Variants in ZFAND6 observed in about 807,000 individuals in gnomAD.
The protein encoded by ZFAND6 is zinc finger AN1-type containing 6, also known as AN1-type zinc finger protein 6.
A neutral mutation model predicts 24.5 loss-of-function variants in ZFAND6; 12 were observed. The ratio of observed to expected loss-of-function variants is 0.49; its 90% CI spans 0.31 to 0.79. The LOEUF (loss-of-function observed/expected upper bound fraction) is 0.79, where lower values mean the gene tolerates loss of function less well. Among genes scored for constraint, ZFAND6 ranks in the 30% least tolerant of loss-of-function variants. ZFAND6 has a pLI of 0.04. For synonymous variants in ZFAND6, 92 were observed against 81.5 expected (o/e 1.13, Z -0.69); for missense variants, 207 against 245.9 (o/e 0.84, Z 1.06).
intron 1 of ZFAND6, among the ~76,000 whole-genome samples, chr15:80,096,611 T>G (rs1188605749): frequency 3.3e-5 from 5 of 152,234 alleles, no homozygotes; most frequent in Admixed American, 1.3e-4. Flanking sequence ...AGTTTTAAAA[T>G]TAGTCTATGA....
intron 6 of ZFAND6, among the ~76,000 whole-genome samples, chr15:80,132,680 T>A (rs1350939620): frequency 6.6e-6 from 1 of 152,230 alleles, no homozygotes; most frequent in Non-Finnish European, 1.5e-5. Flanking sequence ...CTCTTGTGGT[T>A]CTCATGTATT....
At chr15:80,130,607 A>G (rs1406475033) in intron 5 of ZFAND6, 1 of 152,264 alleles carries the variant, frequency 6.6e-6, no homozygotes, top group Non-Finnish European at 1.5e-5. Context: ...TTTGGTTTCC[A>G]TACATAAATG....
chr15:80,075,469 T>A (rs2037219981), intron 1 of ZFAND6, among the ~76,000 whole-genome samples: 1 of 152,036 alleles, frequency 6.6e-6, no homozygotes, highest in Non-Finnish European at 1.5e-5. Flanking sequence ...ATCTTTTTGG[T>A]TTCCTAGGGA....
chr15:80,063,880 G>A (rs929117319), intron 1 of ZFAND6, among the ~76,000 whole-genome samples: 10 of 152,124 alleles, frequency 6.6e-5, no homozygotes, highest in African/African-American at 1.9e-4. Flanking sequence ...TAGAGACCGC[G>A]TTTCACCATG....
intron 2 of ZFAND6, among the ~76,000 whole-genome samples, chr15:80,108,473 T>A (rs2039448418): frequency 6.6e-6 from 1 of 152,170 alleles, no homozygotes; most frequent in South Asian, 2.1e-4. Flanking sequence ...AGTGGGAAAA[T>A]TTGAACGGGT....
At chr15:80,088,600 C>T (rs1019244181) in intron 1 of ZFAND6, among the ~76,000 whole-genome samples, 1 of 152,166 alleles carries the variant, frequency 6.6e-6, no homozygotes, top group African/African-American at 2.4e-5. Flanking sequence ...TCACTCTTTC[C>T]TTATGCTTTA....
At chr15:80,113,473 T>C (rs2039711907) in intron 2 of ZFAND6, among the ~76,000 whole-genome samples, 1 of 152,176 alleles carries the variant, frequency 6.6e-6, no homozygotes, top group Non-Finnish European at 1.5e-5. Flanking sequence ...TAAATTATAT[T>C]TTCTCCCTAT....
At chr15:80,113,761 T>TA (rs2039727291) in intron 2 of ZFAND6, among the ~76,000 whole-genome samples, 1 of 127,128 alleles carries the variant, frequency 7.9e-6, no homozygotes, top group African/African-American at 3.0e-5. Flanking sequence ...AGAAGAAACT[T>TA]AGAGTTTAGC....
chr15:80,128,955 A>T (rs1224040509), intron 5 of ZFAND6, among the ~76,000 whole-genome samples: 1 of 152,182 alleles, frequency 6.6e-6, no homozygotes, highest in East Asian at 1.9e-4. Context: ...TTTGTTAAAA[A>T]CTATAATCTT....
chr15:80,109,689 G>A (rs1485730726), intron 2 of ZFAND6, among the ~76,000 whole-genome samples: 1 of 152,204 alleles, frequency 6.6e-6, no homozygotes, highest in Non-Finnish European at 1.5e-5. Context: ...AAGATTTTGA[G>A]TAAGCAGGCA....
At chr15:80,074,007 C>T (rs1267387450) in intron 1 of ZFAND6, among the ~76,000 whole-genome samples, 1 of 151,824 alleles carries the variant, frequency 6.6e-6, no homozygotes, top group African/African-American at 2.4e-5. Flanking sequence ...ATAATGAACA[C>T]TTCACTGGCC....
intron 2 of ZFAND6, among the ~76,000 whole-genome samples, chr15:80,104,433 C>T (rs1369279293): frequency 2.0e-5 from 3 of 152,100 alleles, no homozygotes; most frequent in East Asian, 1.9e-4. Flanking sequence ...GCAGGAGAAT[C>T]GCTTGATCCT....
At chr15:80,060,007 C>G (rs2036234354) in intron 1 of ZFAND6, among the ~76,000 whole-genome samples, 198 bp downstream of exon 1, 1 of 151,282 alleles carries the variant, frequency 6.6e-6, no homozygotes, top group Admixed American at 6.6e-5. Context: ...CGAGGACTCC[C>G]GGCTCCGGGG....
At chr15:80,063,468 C>T (rs375002771) in intron 1 of ZFAND6, among the ~76,000 whole-genome samples, 1 of 151,904 alleles carries the variant, frequency 6.6e-6, no homozygotes, top group Non-Finnish European at 1.5e-5. Context: ...CTCAGCTCAC[C>T]GCAACCTCTG....
At chr15:80,079,621 T>C (rs530793767) in intron 1 of ZFAND6, among the ~76,000 whole-genome samples, 2 of 151,922 alleles carry the variant, frequency 1.3e-5, no homozygotes, top group Non-Finnish European at 2.9e-5. Flanking sequence ...TTATGTGATA[T>C]ATAATTTGAA....
chr15:80,083,126 G>A (rs372668489), intron 1 of ZFAND6, among the ~76,000 whole-genome samples: 2 of 152,100 alleles, frequency 1.3e-5, no homozygotes, highest in East Asian at 3.9e-4. Flanking sequence ...CGAGTAGCTG[G>A]GACTACAGGC....
chr15:80,134,811 G>T (rs941253897), intron 6 of ZFAND6, among the ~76,000 whole-genome samples: 50 of 24,162 alleles, frequency 2.1e-3, no homozygotes, highest in Non-Finnish European at 2.4e-3. Flanking sequence ...GAGAAAAAGC[G>T]TGCAAGAAAA....
At chr15:80,096,457 G>A (rs973230933) in intron 1 of ZFAND6, among the ~76,000 whole-genome samples, 2 of 152,124 alleles carry the variant, frequency 1.3e-5, no homozygotes, top group Non-Finnish European at 2.9e-5. Flanking sequence ...TAACTCTTAT[G>A]AGATTTTGAA....
intron 1 of ZFAND6, among the ~76,000 whole-genome samples, chr15:80,070,889 T>C (rs1008642686): frequency 6.6e-6 from 1 of 152,242 alleles, no homozygotes. Flanking sequence ...TATATTCTTT[T>C]TGCTGATTGC....
Sources: allele counts gnomAD v4.1 joint callset (sites outside exome capture counted in the v4.1 genomes callset), GRCh38; gene constraint gnomAD v4.1.1; transcripts MANE v1.5; gene names NCBI Gene and HGNC (gene_info 2026-07-23, HGNC 2026-07-21).